ERC1: variants seen among roughly 807,000 people sequenced by gnomAD.
ERC1 encodes ELKS/RAB6-interacting/CAST family member 1.
Under a neutral mutation model 132.0 loss-of-function variants are expected in ERC1, and 56 were observed. The ratio of observed to expected loss-of-function variants is 0.42; its 90% CI spans 0.34 to 0.53. The LOEUF (loss-of-function observed/expected upper bound fraction) is 0.53. Among genes scored for constraint, ERC1 ranks in the 20% least tolerant of loss-of-function variants. The pLI is 0.03. For synonymous variants in ERC1, 478 were observed against 476.1 expected, an observed-to-expected ratio of 1.00 and a Z score of -0.05; for missense variants, 1,202 against 1,349.9, an observed-to-expected ratio of 0.89 and a Z score of 1.72.
At chr12:1,308,210 GTTATTATTA>G (rs60804477) in intron 15 of ERC1, among the ~76,000 whole-genome samples, 3 of 150,032 alleles carry the variant, frequency 2.0e-5, no homozygotes, top group South Asian at 4.2e-4. Context: ...TGTTACTATT[GTTATTATTA>G]TTATTATTAT....
At chr12:1,405,032 T>G (rs1037092338) in intron 16 of ERC1, among the ~76,000 whole-genome samples, 3 of 151,582 alleles carry the variant, frequency 2.0e-5, no homozygotes, top group Non-Finnish European at 4.4e-5. Flanking sequence ...CCGAGCTACT[T>G]GGGAGTCTGA....
At chr12:1,399,691 G>A (rs1378352160) in intron 16 of ERC1, among the ~76,000 whole-genome samples, 1 of 152,110 alleles carries the variant, frequency 6.6e-6, no homozygotes, top group Non-Finnish European at 1.5e-5. Context: ...TGTTTTCAAG[G>A]TTCATTGATA....
At chr12:1,096,785 C>T (rs1033748623) in intron 3 of ERC1, among the ~76,000 whole-genome samples, 4 of 152,090 alleles carry the variant, frequency 2.6e-5, no homozygotes, top group African/African-American at 9.7e-5. Context: ...AGTAAGCACC[C>T]TCATAACCAC....
intron 15 of ERC1, among the ~76,000 whole-genome samples, chr12:1,345,827 TC>T (rs35099064): frequency 3.9e-5 from 6 of 152,216 alleles, no homozygotes; most frequent in African/African-American, 4.8e-5. Flanking sequence ...AATTTTATCT[TC>T]ACTTGACTAT....
At chr12:1,438,625 A>G (rs1754548955) in intron 17 of ERC1, among the ~76,000 whole-genome samples, 1 of 152,186 alleles carries the variant, frequency 6.6e-6, no homozygotes, top group South Asian at 2.1e-4. Context: ...ATAAGTCATC[A>G]ATAAATGTTA....
At chr12:1,285,763 A>T (rs1322064422) in intron 14 of ERC1, among the ~76,000 whole-genome samples, 2 of 152,224 alleles carry the variant, frequency 1.3e-5, no homozygotes, top group Non-Finnish European at 2.9e-5. Context: ...GAAATATAAA[A>T]GAGAGGGAAC....
At chr12:1,002,435 C>T (rs1962575639) in intron 1 of ERC1, among the ~76,000 whole-genome samples, 1 of 151,342 alleles carries the variant, frequency 6.6e-6, no homozygotes, top group Non-Finnish European at 1.5e-5. Context: ...AATCTGCCTG[C>T]CTTGGTCTCC....
chr12:1,115,796 T>G, intron 6 of ERC1, 70 bp from the exon 7 acceptor site: 1 of 1,307,054 alleles, frequency 7.7e-7, no homozygotes, highest in Non-Finnish European at 1.1e-6. Context: ...GACTCAGATC[T>G]GTGAAAGATA....
In ERC1 at chr12:1,494,339, C is replaced by T. The variant is rs1017658280; in HGVS notation, c.*4109C>T. The T allele has an allele frequency of 1.7e-5, 4 of 231,450 alleles. No homozygotes were observed. Among genetic ancestry groups the T allele is most frequent in the African/African-American group, 8.8e-5 (4 of 45,202 alleles). 14.3% of individuals were successfully genotyped at this position (231,450 alleles called of 1,614,324 possible). ...GGACGTGAACCACTCAAAGGAATGT[C>T]TTAAAGAGGATCTGGAGTTTCCCCC... On this transcript the variant is annotated 3_prime_UTR_variant, in exon 19 of 19. Transcript: ENST00000360905.
intron 15 of ERC1, among the ~76,000 whole-genome samples, chr12:1,327,198 C>T (rs975055754): frequency 6.7e-6 from 1 of 149,254 alleles, no homozygotes; most frequent in South Asian, 2.1e-4. Flanking sequence ...ATTTGAGGCC[C>T]ACTCTGGAAA....
Position 1,444,554 on chromosome 12 carries a change from T to G in ERC1, c.3025-8T>G, listed in dbSNP as rs761783411. The G allele has an allele frequency of 4.5e-6, 7 of 1,561,544 alleles. No individual in the cohort carries two copies. Among genetic ancestry groups the G allele is most frequent in the Non-Finnish European group, 6.1e-6 (7 of 1,150,700 alleles). ...TTTATTTTATTTTATTTTATTTTTT[T>G]GCCTTAGATCATCCAGCCCCTCTTA... On this transcript the variant is annotated splice_region_variant and splice_polypyrimidine_tract_variant and intron_variant, in intron 17 of 18. Transcript: ENST00000360905.
intron 17 of ERC1, among the ~76,000 whole-genome samples, chr12:1,422,761 A>T (rs1421247538): frequency 6.6e-6 from 1 of 152,180 alleles, no homozygotes; most frequent in Non-Finnish European, 1.5e-5. Flanking sequence ...TAGTTTGCTG[A>T]AAACCCTCCA....
intron 18 of ERC1, among the ~76,000 whole-genome samples, chr12:1,471,170 G>A (rs1000537382): frequency 3.9e-5 from 6 of 152,168 alleles, no homozygotes; most frequent in Non-Finnish European, 5.9e-5. Flanking sequence ...CACACCCGTA[G>A]TCCCAGCTGC....
intron 16 of ERC1, among the ~76,000 whole-genome samples, chr12:1,384,449 T>C (rs2089087700): frequency 6.6e-6 from 1 of 152,220 alleles, no homozygotes; most frequent in African/African-American, 2.4e-5. Context: ...AAAATACTAT[T>C]ACTGTCATGT....
chr12:1,265,943 C>T (rs2077451792), intron 14 of ERC1, among the ~76,000 whole-genome samples: 1 of 152,152 alleles, frequency 6.6e-6, no homozygotes, highest in Non-Finnish European at 1.5e-5. Flanking sequence ...TTGTTCATTC[C>T]TTCAGCTGTT....
chr12:1,329,012 G>T (rs1270966716), intron 15 of ERC1, among the ~76,000 whole-genome samples: 1 of 140,172 alleles, frequency 7.1e-6, no homozygotes, highest in Non-Finnish European at 1.5e-5. Context: ...AAGCCTTAGC[G>T]ACCAGGCACG....
intron 2 of ERC1, among the ~76,000 whole-genome samples, chr12:1,080,145 T>C (rs1369663348): frequency 6.6e-6 from 1 of 152,230 alleles, no homozygotes; most frequent in African/African-American, 2.4e-5. Context: ...TGGTAAAATA[T>C]ATATAACATA....
rs71293128 is a variant in ERC1 at position 1,266,391 on chromosome 12, C to CTTTTTTTT, written c.2619+3250_2619+3257dup. 2.8e-3 allele frequency among the ~76,000 whole-genome samples: 119 copies of CTTTTTTTT among 43,026 alleles called. 29 individuals are homozygous for CTTTTTTTT. Among genetic ancestry groups the CTTTTTTTT allele is most frequent in the Middle Eastern group, 0.042 (2 of 48 alleles). The allele number at this position is 43,026 out of a possible 152,430, so 28.2% of individuals were successfully genotyped here. A position where few individuals can be genotyped will look rare whatever the true frequency, so the allele number is the denominator to read the frequency against. ...TATTATTATTTTTATCGTTTCCTGT[C>CTTTTTTTT]TTTTTTTTTTTTTTTTTTTTTTTTT... is the stretch of plus-strand genomic sequence containing the variant. On this transcript the variant is annotated intron_variant, in intron 14 of 18. Transcript: ENST00000360905.
At chr12:1,428,363 G>T (rs2092699157) in intron 17 of ERC1, among the ~76,000 whole-genome samples, 2 of 152,140 alleles carry the variant, frequency 1.3e-5, no homozygotes, top group Admixed American at 1.3e-4. Context: ...ACAGTTTTCT[G>T]CAGTGTAGTA....
Sources: allele counts gnomAD v4.1 joint callset (sites outside exome capture counted in the v4.1 genomes callset), GRCh38; gene constraint gnomAD v4.1.1; transcripts MANE v1.5; gene names NCBI Gene and HGNC (gene_info 2026-07-23, HGNC 2026-07-21).